DNAAF9: variants seen among roughly 807,000 people sequenced by gnomAD.
The protein encoded by DNAAF9 is dynein axonemal assembly factor 9.
In DNAAF9, 90 loss-of-function variants were observed where a neutral mutation model predicts 167.0. The observed-to-expected ratio is 0.54, with a 90% confidence interval of 0.45 to 0.64. DNAAF9 has a LOEUF of 0.64. Among genes scored for constraint, DNAAF9 ranks in the 30% least tolerant of loss-of-function variants. The pLI, the probability that DNAAF9 is intolerant of heterozygous loss-of-function variation, is 0.00. For missense variants in DNAAF9, 1,315 were observed against 1,442.2 expected (o/e 0.91, Z 1.43); for synonymous variants, 491 against 508.8 (o/e 0.96, Z 0.47).
chr20:3,359,779 A>AT (rs1183238585), intron 6 of DNAAF9, among the ~76,000 whole-genome samples, 186 bp from the exon 7 acceptor site: 1 of 152,186 alleles, frequency 6.6e-6, no homozygotes, highest in African/African-American at 2.4e-5. Context: ...CAAGGAAACT[A>AT]TTTTTTCAGA....
chr20:3,369,131 A>C (rs1384099720), intron 6 of DNAAF9, among the ~76,000 whole-genome samples: 7 of 143,742 alleles, frequency 4.9e-5, no homozygotes, highest in Admixed American at 2.8e-4. Context: ...CTCTGTCTCA[A>C]AAAAAAAAAA....
chr20:3,258,118 G>A (rs867086203), intron 33 of DNAAF9, among the ~76,000 whole-genome samples: 1 of 146,648 alleles, frequency 6.8e-6, no homozygotes, highest in Non-Finnish European at 1.5e-5. Flanking sequence ...CTCTTGCCTC[G>A]GCCTCCCAAA....
intron 30 of DNAAF9, among the ~76,000 whole-genome samples, chr20:3,269,114 AACAAGGATG>A (rs1161257171): frequency 1.3e-5 from 2 of 151,364 alleles, no homozygotes; most frequent in Non-Finnish European, 2.9e-5. Context: ...CCACCGTGTT[AACAAGGATG>A]GTCTCAATCT....
chr20:3,265,716 T>C lies in DNAAF9; in HGVS notation c.2787-1192A>G, dbSNP rs529211915. Reference sequence around the variant, plus strand: ...TTTTGAGACAGAGTTTCGCTCTTGTTGCCCAGGCTGGAGTGAAATGGCGTG... The same window carrying C: ...TTTTGAGACAGAGTTTCGCTCTTGTCGCCCAGGCTGGAGTGAAATGGCGTG... On this transcript the variant is annotated intron_variant, in intron 30 of 36. Coordinates refer to ENST00000252032, the MANE Select transcript of DNAAF9 (RefSeq NM_001009984.3). Among the ~76,000 whole-genome samples, 8 of 150,996 alleles carry C rather than the reference T, an allele frequency of 5.3e-5. No homozygotes were observed. The East Asian group carries it at 1.4e-3, about 26-fold the overall frequency.
rs368424637 is a variant in DNAAF9 at position 3,296,336 on chromosome 20, C to T, written c.2018+525G>A. ...CTTGGCCCGGGTCAGGGCTGTGAGA[C>T]GTGGCCCCTCACAGCCACACTGGCT... On this transcript the variant is annotated intron_variant, in intron 23 of 36. Transcript: ENST00000252032. The T allele has an allele frequency of 1.6e-4, 56 of 341,964 alleles. 2 individuals carry two copies. The highest frequency in any genetic ancestry group is 1.1e-3 in the African/African-American group (50 of 46,478). The allele number at this position is 341,964 out of a possible 1,614,324, so 21.2% of individuals were successfully genotyped here.
Position 3,264,198 on chromosome 20 carries a change from C to G in DNAAF9, c.2873+240G>C, listed in dbSNP as rs1156647757. Among the ~76,000 whole-genome samples, 3 of 152,230 alleles carry G rather than the reference C, an allele frequency of 2.0e-5. No individual in the cohort carries two copies. In the East Asian group the frequency reaches 5.8e-4, roughly 29 times the overall value. ...AGGGCACAGCGGTGCTTGCTGCCTA[C>G]AGGATGATTCCCTAAATTGAAACAT... is the stretch of plus-strand genomic sequence containing the variant. On this transcript the variant is annotated intron_variant, in intron 31 of 36. Coordinates refer to ENST00000252032, the MANE Select transcript of DNAAF9 (RefSeq NM_001009984.3).
rs555828746 is a variant in DNAAF9 at position 3,319,101 on chromosome 20, A to G, written c.1357-701T>C. ...CTGTCTCAAAAAAAAAAAAAAAAAA[A>G]AAAGAAAAAAAAATAGCCAGGCATG... On this transcript the variant is annotated intron_variant, in intron 16 of 36. Coordinates refer to ENST00000252032, the MANE Select transcript of DNAAF9 (RefSeq NM_001009984.3). 5.2e-3 allele frequency among the ~76,000 whole-genome samples: 725 copies of G among 138,612 alleles called. 1 individual carries two copies. Among genetic ancestry groups the G allele is most frequent in the Middle Eastern group, 7.6e-3 (2 of 264 alleles). 90.9% of individuals were successfully genotyped at this position (138,612 alleles called of 152,430 possible). A position where few individuals can be genotyped will look rare whatever the true frequency, so the allele number is the denominator to read the frequency against.
chr20:3,368,577 A>C (rs1600870040), intron 6 of DNAAF9, among the ~76,000 whole-genome samples: 1 of 144,872 alleles, frequency 6.9e-6, no homozygotes, highest in Admixed American at 6.9e-5. Flanking sequence ...CAGTGGCATG[A>C]TCTCAGCTCA....
rs556968612 is a variant in DNAAF9, at chr20:3,269,362, C to T, written c.2786+1065G>A. ...TAGCTGAGACTACAGACATGCACAA[C>T]CATGCTGGCTGTTTTTTTAAAAAAC... On this transcript the variant is annotated intron_variant, in intron 30 of 36. Coordinates refer to ENST00000252032, the MANE Select transcript of DNAAF9 (RefSeq NM_001009984.3). Among the ~76,000 whole-genome samples the T allele has an allele frequency of 1.2e-3, 178 of 152,114 alleles. 2 individuals carry two copies. The highest frequency in any genetic ancestry group is 6.8e-3 in the Middle Eastern group (2 of 294).
intron 1 of DNAAF9, among the ~76,000 whole-genome samples, chr20:3,383,872 C>G (rs1437854889): frequency 2.0e-5 from 3 of 150,642 alleles, no homozygotes; most frequent in Non-Finnish European, 4.4e-5. Flanking sequence ...AATCTTGGCT[C>G]ACTGTAACCT....
chr20:3,282,426 T>C (rs1269687088), intron 27 of DNAAF9, among the ~76,000 whole-genome samples: 1 of 152,194 alleles, frequency 6.6e-6, no homozygotes, highest in Admixed American at 6.5e-5. Flanking sequence ...CAAACTGTTA[T>C]AATCTCTTGC....
intron 31 of DNAAF9, among the ~76,000 whole-genome samples, chr20:3,263,090 T>A (rs2068423764): frequency 2.0e-5 from 3 of 147,860 alleles, no homozygotes; most frequent in Non-Finnish European, 4.5e-5. Context: ...TTCTCCTGCC[T>A]CAGCCTCCCA....
chr20:3,338,905 C>T (rs989260910), intron 10 of DNAAF9, among the ~76,000 whole-genome samples: 2 of 151,998 alleles, frequency 1.3e-5, no homozygotes, highest in African/African-American at 2.4e-5. Flanking sequence ...CCACCTGCCT[C>T]GGCCTCCTGA....
intron 25 of DNAAF9, among the ~76,000 whole-genome samples, chr20:3,290,787 CTT>C (rs548143543): frequency 3.1e-4 from 42 of 135,256 alleles, no homozygotes; most frequent in African/African-American, 6.3e-4. Context: ...AGGGCTAAGT[CTT>C]TTTTTTTTTT....
chr20:3,291,128 T>C (rs2068944539), intron 25 of DNAAF9, among the ~76,000 whole-genome samples: 1 of 152,026 alleles, frequency 6.6e-6, no homozygotes, highest in South Asian at 2.1e-4. Context: ...TGTGAAGCAC[T>C]TGTGATTCTG....
In DNAAF9 at chr20:3,316,009, C is replaced by A. The variant is rs2422869; in HGVS notation, c.1540-224G>T. On this transcript the variant is annotated intron_variant, in intron 18 of 36. Coordinates refer to ENST00000252032, the MANE Select transcript of DNAAF9 (RefSeq NM_001009984.3). ...TCTCTCACTAGGACCTGAGGTCCAG[C>A]TAATGAGCTTATGACAAGCAGAGGG... 0.27 allele frequency: 159,118 copies of A among 582,556 alleles called. 22,537 individuals are homozygous for A. The highest frequency in any genetic ancestry group is 0.35 in the East Asian group (12,601 of 35,542). 36.1% of individuals were successfully genotyped at this position (582,556 alleles called of 1,614,324 possible). A position where few individuals can be genotyped will look rare whatever the true frequency, so the allele number is the denominator to read the frequency against.
chr20:3,277,992 CT>C (rs2068700965), intron 29 of DNAAF9, among the ~76,000 whole-genome samples: 1 of 152,182 alleles, frequency 6.6e-6, no homozygotes, highest in Non-Finnish European at 1.5e-5. Context: ...CTGATTTCTG[CT>C]TGCTGGACTA....
chr20:3,278,423 A>G (rs2068707894), intron 29 of DNAAF9, among the ~76,000 whole-genome samples: 2 of 152,192 alleles, frequency 1.3e-5, no homozygotes, highest in Admixed American at 1.3e-4. Flanking sequence ...ATTTGTTGCC[A>G]TAAGAGACAA....
rs908094716 is a variant in DNAAF9, at chr20:3,407,494, G to A, written c.64C>T (p.Arg22Cys). The change falls in exon 1 of 37, where the codon CGC (arginine) becomes TGC (cysteine). Residue 22 changes from arginine (R) to cysteine (C), a missense_variant. This residue lies in a region of DNAAF9 where 981 missense variants were observed against 1,012.5 expected (regional missense o/e 0.97). Coordinates refer to ENST00000252032, the MANE Select transcript of DNAAF9 (RefSeq NM_001009984.3). Reference protein sequence around the residue: ...PRARSPGGSSRGSPSVSCSRL... With the variant: ...PRARSPGGSSCGSPSVSCSRL... ...GCGTACCTGACGGAGGGTGACCCGC[G>A]GCTGGAGCCGCCAGGGGACCGAGCG... 4 of 1,295,460 alleles carry A rather than the reference G, an allele frequency of 3.1e-6. No homozygotes were observed. The African/African-American group carries it at 4.6e-5, about 15-fold the overall frequency. 80.2% of individuals were successfully genotyped at this position (1,295,460 alleles called of 1,614,324 possible).
Sources: allele counts gnomAD v4.1 joint callset (sites outside exome capture counted in the v4.1 genomes callset), GRCh38; gene constraint gnomAD v4.1.1; regional missense constraint gnomAD v4.1.1; transcripts MANE v1.5; gene names NCBI Gene and HGNC (gene_info 2026-07-23, HGNC 2026-07-21).